The following PTPRN2 variants were observed in gnomAD, a reference collection of about 807,000 sequenced individuals.
PTPRN2 encodes the protein protein tyrosine phosphatase receptor type N2, also known as receptor-type tyrosine-protein phosphatase N2.
Under a neutral mutation model 118.8 loss-of-function variants are expected in PTPRN2, and 74 were observed. That is an observed-to-expected ratio of 0.62 (90% CI 0.52 to 0.76). The LOEUF (loss-of-function observed/expected upper bound fraction) is 0.76, where lower values mean the gene tolerates loss of function less well. Ranked by LOEUF, PTPRN2 falls within the 30% of genes least tolerant of loss-of-function variation. The pLI, the probability that PTPRN2 is intolerant of heterozygous loss-of-function variation, is 0.00. For synonymous variants in PTPRN2, 641 were observed against 608.0 expected, an observed-to-expected ratio of 1.05 and a Z score of -0.80; for missense variants, 1,481 against 1,394.4, an observed-to-expected ratio of 1.06 and a Z score of -0.99.
intron 3 of PTPRN2, among the ~76,000 whole-genome samples, chr7:158,235,037 C>T (rs1381971233): frequency 3.3e-5 from 5 of 152,206 alleles, no homozygotes; most frequent in African/African-American, 1.2e-4. Context: ...GATGGGATTA[C>T]AGGCATGAGC....
intron 12 of PTPRN2, among the ~76,000 whole-genome samples, chr7:157,891,701 T>C (rs1293709077): frequency 1.3e-5 from 2 of 152,162 alleles, no homozygotes; most frequent in Non-Finnish European, 2.9e-5. Context: ...TGGAACAAAG[T>C]CTCACCCAGA....
In PTPRN2 at chr7:157,779,508, C is replaced by A. The variant is rs1441607335; in HGVS notation, c.1789-96571G>T. ...CAGGCAGCAGGAACCCCCAAATTCC[C>A]TCCTCAGGCCAGTGCCCTCCACGTT... On this transcript the variant is annotated intron_variant, in intron 12 of 22. Coordinates refer to ENST00000389418, the MANE Select transcript of PTPRN2 (RefSeq NM_002847.5). This position sits in a 1 kb window ranked among gnomAD's most constrained non-coding sequence, Gnocchi z 4.7. Among the ~76,000 whole-genome samples, 1 of 152,152 alleles carries A rather than the reference C, an allele frequency of 6.6e-6. No homozygotes were observed. Among genetic ancestry groups the A allele is most frequent in the Non-Finnish European group, 1.5e-5 (1 of 68,024 alleles).
At chr7:158,189,274 C>A (rs1170403023) in intron 5 of PTPRN2, among the ~76,000 whole-genome samples, 1 of 152,262 alleles carries the variant, frequency 6.6e-6, no homozygotes, top group African/African-American at 2.4e-5. Flanking sequence ...CATGCTGCGC[C>A]TTGTCCCACA....
At chr7:158,201,461 T>C (rs34657686) in intron 4 of PTPRN2, among the ~76,000 whole-genome samples, 75,895 of 152,004 alleles carry the variant, frequency 0.5, 21,014 homozygotes, top group African/African-American at 0.76. Context: ...AATATTTAAC[T>C]CTAAAATATA....
chr7:157,604,206 C>A, intron 15 of PTPRN2, 131 bp from the exon 16 acceptor site: 1 of 780,946 alleles, frequency 1.3e-6, no homozygotes, highest in Non-Finnish European at 2.1e-6. Context: ...CATCACACAG[C>A]AGTGTGGGAC....
intron 12 of PTPRN2, among the ~76,000 whole-genome samples, chr7:157,732,392 C>T (rs189152806): frequency 3.1e-4 from 4 of 12,832 alleles, no homozygotes; most frequent in African/African-American, 9.1e-4. Context: ...TTCCACCCCA[C>T]GCGCCCAGCA....
At position 157,929,096 on chromosome 7, in the gene PTPRN2, T is replaced by G. The variant is rs1395438932; in HGVS notation, c.1724-30359A>C. Among the ~76,000 whole-genome samples, 2 of 152,058 alleles carry G rather than the reference T, an allele frequency of 1.3e-5. No individual in the cohort carries two copies. Among genetic ancestry groups the G allele is most frequent in the Admixed American group, 1.3e-4 (2 of 15,270 alleles). On this transcript the variant is annotated intron_variant, in intron 11 of 22. Coordinates refer to ENST00000389418, the MANE Select transcript of PTPRN2 (RefSeq NM_002847.5). The surrounding 1 kb of genome is among the most constrained non-coding windows in gnomAD (Gnocchi z 4.4). ...AGGTGTCTTGCTGAAGGTTGTGAAA[T>G]AAGGATCAGTGAAACGGTGAGACCA...
chr7:158,071,432 CGTG>C (rs145089471), intron 11 of PTPRN2, among the ~76,000 whole-genome samples: 8,144 of 38,962 alleles, frequency 0.21, 1,066 homozygotes, highest in Non-Finnish European at 0.24. Flanking sequence ...TGGAGGTGCT[CGTG>C]GTGGTGGAGG....
intron 2 of PTPRN2, among the ~76,000 whole-genome samples, chr7:158,327,544 CTA>C: frequency 2.0e-5 from 3 of 146,402 alleles, no homozygotes; most frequent in Non-Finnish European, 4.4e-5. Flanking sequence ...CATGTACACA[CTA>C]TCTGTTCTCA....
At chr7:158,108,344 G>A (rs1447619151) in intron 10 of PTPRN2, among the ~76,000 whole-genome samples, 1 of 151,924 alleles carries the variant, frequency 6.6e-6, no homozygotes, top group East Asian at 1.9e-4. Flanking sequence ...GTGGCCTCAG[G>A]GCTGCTCTCT....
intron 2 of PTPRN2, among the ~76,000 whole-genome samples, chr7:158,395,310 G>GGCGAGGC (rs1812284275): frequency 7.4e-6 from 1 of 135,390 alleles, no homozygotes; most frequent in Admixed American, 7.4e-5. Context: ...AGGGGCGAGG[G>GGCGAGGC]GTGAGGGGCG....
At chr7:158,241,550 A>T (rs545490755) in intron 3 of PTPRN2, among the ~76,000 whole-genome samples, 37 of 152,322 alleles carry the variant, frequency 2.4e-4, no homozygotes, top group African/African-American at 4.1e-4. Flanking sequence ...ATTTAAATTT[A>T]AATTTTAAAA....
intron 9 of PTPRN2, among the ~76,000 whole-genome samples, chr7:158,116,090 TC>T (rs545993125): frequency 6.5e-4 from 99 of 152,294 alleles, no homozygotes; most frequent in Non-Finnish European, 1.3e-3. Context: ...CATGCACCTC[TC>T]CCTGCACATG....
chr7:158,186,935 G>A (rs1469502182), intron 5 of PTPRN2, among the ~76,000 whole-genome samples: 1 of 152,202 alleles, frequency 6.6e-6, no homozygotes, highest in Non-Finnish European at 1.5e-5. Context: ...AGATAAATCA[G>A]CTAGTTAATG....
chr7:158,221,162 G>A (rs944047602), intron 3 of PTPRN2, among the ~76,000 whole-genome samples: 7 of 152,016 alleles, frequency 4.6e-5, no homozygotes, highest in South Asian at 2.1e-4. Context: ...CTGGTTAGCC[G>A]TATGCAGAAG....
intron 13 of PTPRN2, among the ~76,000 whole-genome samples, chr7:157,660,628 A>C (rs1795839340): frequency 6.6e-6 from 1 of 152,200 alleles, no homozygotes; most frequent in African/African-American, 2.4e-5. Flanking sequence ...GCTACAGAGA[A>C]AGCCTCAAGC....
At chr7:158,318,721 C>T (rs925052399) in intron 2 of PTPRN2, among the ~76,000 whole-genome samples, 1 of 152,256 alleles carries the variant, frequency 6.6e-6, no homozygotes, top group Non-Finnish European at 1.5e-5. Flanking sequence ...TGCAGCTCCC[C>T]GGCCTCTTGC....
intron 11 of PTPRN2, among the ~76,000 whole-genome samples, chr7:158,067,991 G>A (rs1000641614): frequency 3.9e-4 from 60 of 152,210 alleles, no homozygotes; most frequent in African/African-American, 1.4e-3. Context: ...TTCCTGTGGG[G>A]TGGCATGGAC....
At position 158,082,444 on chromosome 7, in the gene PTPRN2, T is replaced by C. The variant is rs115518077; in HGVS notation, c.1644-1067A>G. On this transcript the variant is annotated intron_variant, in intron 10 of 22. Transcript: ENST00000389418. ...ACCTCTGGTCTTCCTCCTTGGGATTTTTGCTCATTCTCCCAGCCAGGGCCA... is the reference window on the plus strand; with the variant it reads ...ACCTCTGGTCTTCCTCCTTGGGATTCTTGCTCATTCTCCCAGCCAGGGCCA... Among the ~76,000 whole-genome samples, 1,044 of 152,292 alleles carry C rather than the reference T, an allele frequency of 6.9e-3. 14 individuals carry two copies. Among genetic ancestry groups the C allele is most frequent in the African/African-American group, 0.024 (1,014 of 41,550 alleles).
Sources: gnomAD v4.1 joint callset for allele counts (sites outside exome capture counted in the v4.1 genomes callset) on GRCh38, gnomAD v4.1.1 for gene constraint, Gnocchi (gnomAD v3.1) non-coding constraint, MANE v1.5 for transcripts, NCBI Gene and HGNC (gene_info 2026-07-23, HGNC 2026-07-21) for gene names.